Variants in CELF4 observed in about 807,000 individuals in gnomAD.
CELF4 encodes the protein CUG-BP- and ETR-3-like factor 4.
In CELF4, 18 loss-of-function variants were observed where a neutral mutation model predicts 59.9. The ratio of observed to expected loss-of-function variants is 0.30; its 90% CI spans 0.21 to 0.45. The LOEUF (loss-of-function observed/expected upper bound fraction) is 0.45. Ranked by LOEUF, CELF4 falls within the 20% of genes least tolerant of loss-of-function variation. The pLI is 1.00. For synonymous variants in CELF4, 261 were observed against 267.1 expected (o/e 0.98, Z 0.22); for missense variants, 456 against 689.0 (o/e 0.66, Z 3.79).
intron 3 of CELF4, among the ~76,000 whole-genome samples, chr18:37,295,616 T>C (rs546624031): frequency 6.6e-6 from 1 of 152,296 alleles, no homozygotes; most frequent in Admixed American, 6.5e-5. Flanking sequence ...ATATTATTGT[T>C]ATTGCTACTT....
intron 1 of CELF4, among the ~76,000 whole-genome samples, chr18:37,487,444 C>T (rs994696807): frequency 6.6e-6 from 1 of 152,204 alleles, no homozygotes; most frequent in African/African-American, 2.4e-5. Context: ...CTCTCTCCCT[C>T]TCTGTCTCAT....
At chr18:37,494,051 C>T (rs1043474491) in intron 1 of CELF4, among the ~76,000 whole-genome samples, 1 of 152,186 alleles carries the variant, frequency 6.6e-6, no homozygotes, top group African/African-American at 2.4e-5. Context: ...CCTTCTCTTT[C>T]TCTTCTTGCT....
chr18:37,286,213 C>T (rs1451354476), intron 3 of CELF4, among the ~76,000 whole-genome samples: 2 of 152,146 alleles, frequency 1.3e-5, no homozygotes, highest in African/African-American at 2.4e-5. Flanking sequence ...GGCAAAGAAT[C>T]TACTCCAGGT....
chr18:37,482,575 C>A (rs758454229), intron 2 of CELF4, among the ~76,000 whole-genome samples: 1 of 152,148 alleles, frequency 6.6e-6, no homozygotes, highest in Admixed American at 6.5e-5. Context: ...CTGGGAATCA[C>A]GTATCACTGA....
rs534415017 is a variant in CELF4, at chr18:37,467,475, G to A, written c.369+18050C>T. ...TTTACTTGTTAGCAATGGGAGCCACGCACTTGGGAAAGTCGGGCAGAGTCA... is the reference window on the plus strand; with the variant it reads ...TTTACTTGTTAGCAATGGGAGCCACACACTTGGGAAAGTCGGGCAGAGTCA... On this transcript the variant is annotated intron_variant, in intron 2 of 12. Coordinates refer to ENST00000420428, the MANE Select transcript of CELF4 (RefSeq NM_020180.4). Among the ~76,000 whole-genome samples, 5 of 152,276 alleles carry A rather than the reference G, an allele frequency of 3.3e-5. No individual in the cohort carries two copies. The South Asian group carries it at 8.3e-4, about 25-fold the overall frequency.
chr18:37,382,142 C>T (rs1039097852), intron 2 of CELF4, among the ~76,000 whole-genome samples: 2 of 152,214 alleles, frequency 1.3e-5, no homozygotes, highest in African/African-American at 4.8e-5. Flanking sequence ...ACTGACTGTT[C>T]TAAGTGCTTG....
At chr18:37,324,263 C>T (rs548800399) in intron 2 of CELF4, among the ~76,000 whole-genome samples, 1 of 152,300 alleles carries the variant, frequency 6.6e-6, no homozygotes, top group East Asian at 1.9e-4. Flanking sequence ...AAGCCCTAAC[C>T]CCCATTGTGA....
intron 2 of CELF4, 151 bp from the exon 3 acceptor site, chr18:37,322,032 T>C: frequency 1.8e-6 from 1 of 556,200 alleles, no homozygotes; most frequent in East Asian, 3.3e-5. Context: ...ACACACACCT[T>C]CACCAAAGTG....
At chr18:37,272,863 T>C (rs1257426451) in intron 7 of CELF4, 153 bp downstream of exon 7, 1 of 715,112 alleles carries the variant, frequency 1.4e-6, no homozygotes, top group African/African-American at 1.8e-5. Context: ...TAGAACATTT[T>C]TGAGACAAAC....
intron 2 of CELF4, among the ~76,000 whole-genome samples, chr18:37,357,055 C>T (rs566698736): frequency 2.8e-4 from 43 of 152,340 alleles, no homozygotes; most frequent in African/African-American, 1.0e-3. Context: ...CTGGGTCACA[C>T]CCATGCCTTT....
intron 2 of CELF4, among the ~76,000 whole-genome samples, chr18:37,421,782 G>A (rs921888067): frequency 2.0e-5 from 3 of 152,240 alleles, no homozygotes; most frequent in Non-Finnish European, 1.5e-5. Context: ...GCCAATTCCA[G>A]GACAGTCACG....
At chr18:37,479,563 A>C (rs28461888) in intron 2 of CELF4, among the ~76,000 whole-genome samples, 1 of 151,846 alleles carries the variant, frequency 6.6e-6, no homozygotes, top group Admixed American at 6.6e-5. Flanking sequence ...CTTTTCAGGG[A>C]ATATGAGAAA....
intron 2 of CELF4, among the ~76,000 whole-genome samples, chr18:37,405,122 T>C (rs1238139703): frequency 6.6e-6 from 1 of 151,812 alleles, no homozygotes; most frequent in Non-Finnish European, 1.5e-5. Flanking sequence ...TTCAGATTCC[T>C]GGTTCCTCCA....
intron 2 of CELF4, among the ~76,000 whole-genome samples, chr18:37,404,579 G>C (rs1269778635): frequency 2.0e-5 from 3 of 152,124 alleles, no homozygotes; most frequent in Admixed American, 2.0e-4. Context: ...GCTGTGCCTG[G>C]GCCTGGACAT....
chr18:37,506,016 G>C lies in CELF4; in HGVS notation c.287-20409C>G, dbSNP rs866041867. 2.0e-5 allele frequency among the ~76,000 whole-genome samples: 3 copies of C among 152,278 alleles called. No homozygotes were observed. In the South Asian group the frequency reaches 6.2e-4, roughly 32 times the overall value. On this transcript the variant is annotated intron_variant, in intron 1 of 12. Coordinates refer to ENST00000420428, the MANE Select transcript of CELF4 (RefSeq NM_020180.4). The stretch of plus-strand genomic sequence containing the variant: ...CCTCCCAGGCCCAGGGAGAGTAGTG[G>C]GTAGGAGCTGCCATTCAAAGCCTCA...
intron 1 of CELF4, among the ~76,000 whole-genome samples, chr18:37,491,605 C>T (rs1466511670): frequency 6.6e-6 from 1 of 151,970 alleles, no homozygotes; most frequent in East Asian, 1.9e-4. Flanking sequence ...AAGATTGGGG[C>T]ACTGAAGGGA....
At chr18:37,489,855 C>T (rs1463284941) in intron 1 of CELF4, among the ~76,000 whole-genome samples, 3 of 152,160 alleles carry the variant, frequency 2.0e-5, no homozygotes, top group Non-Finnish European at 2.9e-5. Flanking sequence ...CCTCATCCTT[C>T]CTGGGGATGT....
chr18:37,398,076 G>A (rs1173007463), intron 2 of CELF4, among the ~76,000 whole-genome samples: 1 of 152,172 alleles, frequency 6.6e-6, no homozygotes, highest in African/African-American at 2.4e-5. Flanking sequence ...GAGCCCATCC[G>A]GAATGTGAAG....
chr18:37,403,993 C>A (rs952637726), intron 2 of CELF4, among the ~76,000 whole-genome samples: 3 of 152,178 alleles, frequency 2.0e-5, no homozygotes, highest in African/African-American at 7.2e-5. Flanking sequence ...GGCCATCTGT[C>A]CAGGAGGCAC....
Sources: allele counts gnomAD v4.1 joint callset (sites outside exome capture counted in the v4.1 genomes callset), GRCh38; gene constraint gnomAD v4.1.1; transcripts MANE v1.5; gene names NCBI Gene and HGNC (gene_info 2026-07-23, HGNC 2026-07-21).